Variants in MYL6B observed in about 807,000 individuals in gnomAD.
The protein encoded by MYL6B is myosin light chain 6B, also known as myosin alkali light chain 1 slow a.
In MYL6B, 19 loss-of-function variants were observed where a neutral mutation model predicts 24.5. The ratio of observed to expected loss-of-function variants is 0.78; its 90% CI spans 0.54 to 1.14. The LOEUF (loss-of-function observed/expected upper bound fraction) is 1.14, where lower values mean the gene tolerates loss of function less well. Among genes scored for constraint, MYL6B ranks in the 50% most tolerant of loss-of-function variants. The pLI, the probability that MYL6B is intolerant of heterozygous loss-of-function variation, is 0.00. For missense variants in MYL6B, 230 were observed against 263.8 expected (o/e 0.87, Z 0.89); for synonymous variants, 90 against 100.7 (o/e 0.89, Z 0.64).
At chr12:56,157,843 C>A in exon 7 of MYL6B, 2 of 1,274,470 alleles carry the variant, frequency 1.6e-6, no homozygotes, top group Non-Finnish European at 2.2e-6. Flanking sequence ...GGTTGCTGCA[C>A]GGGCTCCAGC....
In MYL6B at chr12:56,157,541, C is replaced by G. The variant is rs1207004555; in HGVS notation, c.594C>G (p.Tyr198Ter). ...AGGACAGCAACGGCTGCATCAACTACGAGGGTGAGGGGACAAAAAAGCGGG... is the reference window on the plus strand; with the variant it reads ...AGGACAGCAACGGCTGCATCAACTAGGAGGGTGAGGGGACAAAAAAGCGGG... Residue 198 changes from tyrosine (Y) to a stop codon, truncating the protein, a stop_gained, in exon 6 of 7, where the codon TAC becomes TAG. Transcript: ENST00000553066. LOFTEE classifies it high-confidence loss of function. 1.2e-6 allele frequency: 2 copies of G among 1,605,076 alleles called. No homozygotes were observed. The highest frequency in any genetic ancestry group is 4.5e-5 in the East Asian group (2 of 44,368).
At chr12:56,155,489 C>T in exon 5 of MYL6B, 1 of 1,614,016 alleles carries the variant, frequency 6.2e-7, no homozygotes, top group African/African-American at 1.3e-5. Flanking sequence ...AGAACCGAGG[C>T]CAAGGCACAT....
At chr12:56,157,568 G>A (rs1260174500) in intron 6 of MYL6B, 23 bp downstream of exon 6, 1 of 1,613,720 alleles carries the variant, frequency 6.2e-7, no homozygotes, top group Non-Finnish European at 8.5e-7. Context: ...AAAAGCGGGA[G>A]CGGGGCCGAG....
intron 1 of MYL6B, chr12:56,153,444 G>T: frequency 1.0e-6 from 1 of 985,982 alleles, no homozygotes; most frequent in African/African-American, 1.7e-5. Flanking sequence ...TGGGCTTCTT[G>T]TTTTTGTCAT....
chr12:56,154,224 T>C, intron 2 of MYL6B, 132 bp downstream of exon 2: 1 of 924,050 alleles, frequency 1.1e-6, no homozygotes, highest in Non-Finnish European at 1.6e-6. Flanking sequence ...TTTCCCTTAG[T>C]CCCCCATTTG....
chr12:56,153,653 C>T (rs1871193975), intron 1 of MYL6B: 2 of 352,298 alleles, frequency 5.7e-6, no homozygotes, highest in Non-Finnish European at 9.5e-6. Flanking sequence ...TGGCTTCCTC[C>T]CCTACCCCTA....
intron 1 of MYL6B, among the ~76,000 whole-genome samples, chr12:56,153,212 GC>G (rs1445338824): frequency 6.6e-6 from 1 of 152,010 alleles, no homozygotes; most frequent in East Asian, 1.9e-4. Flanking sequence ...CCTGATCTTT[GC>G]CCCCACTCCT....
exon 2 of MYL6B, chr12:56,153,884 C>G: frequency 6.4e-7 from 1 of 1,559,612 alleles, no homozygotes; most frequent in African/African-American, 1.4e-5. Flanking sequence ...GATGGGTGCC[C>G]CCATCCGCAC....
chr12:56,153,222 C>T (rs1051143331), intron 1 of MYL6B, among the ~76,000 whole-genome samples: 2 of 152,152 alleles, frequency 1.3e-5, no homozygotes, highest in Non-Finnish European at 2.9e-5. Context: ...GCCCCCACTC[C>T]TGCCCCTAAA....
chr12:56,157,290 A>G, intron 5 of MYL6B, 178 bp from the exon 6 acceptor site: 1 of 591,554 alleles, frequency 1.7e-6, no homozygotes, highest in African/African-American at 1.9e-5. Context: ...AGGGTGAGGC[A>G]GGAGAATCGC....
chr12:56,153,505 C>G, intron 1 of MYL6B: 1 of 986,272 alleles, frequency 1.0e-6, no homozygotes, highest in Non-Finnish European at 1.2e-6. Context: ...GCCTCCCTGG[C>G]TGCTACCCCT....
intron 5 of MYL6B, chr12:56,157,117 A>T (rs1227211576): frequency 1.1e-5 from 2 of 188,086 alleles, no homozygotes; most frequent in Non-Finnish European, 1.1e-5. Context: ...GGAAAAAGCC[A>T]GGCGCGGTGG....
At chr12:56,156,122 A>G (rs1272743811) in intron 5 of MYL6B, 9 of 629,208 alleles carry the variant, frequency 1.4e-5, no homozygotes, top group East Asian at 1.3e-4. Context: ...CCTGGCCAAC[A>G]TGGTAAAACC....
intron 1 of MYL6B, among the ~76,000 whole-genome samples, chr12:56,152,932 C>T (rs916931814): frequency 2.0e-5 from 3 of 152,030 alleles, no homozygotes; most frequent in Admixed American, 1.3e-4. Flanking sequence ...GGACTCTCTC[C>T]CAGCGCCCCT....
In MYL6B at chr12:56,155,892, T is replaced by A; in HGVS notation, c.520+300T>A. The A allele has an allele frequency of 2.4e-6, 3 of 1,268,466 alleles. No individual in the cohort carries two copies. The South Asian group carries it at 4.6e-5, about 19-fold the overall frequency. The allele number at this position is 1,268,466 out of a possible 1,614,324, so 78.6% of individuals were successfully genotyped here. A position where few individuals can be genotyped will look rare whatever the true frequency, so the allele number is the denominator to read the frequency against. ...AGTCTCGTAACCTCCTGGGATTGTTTCCTTGTGGGTCAATACTTTCAGCAG... is the reference window on the plus strand; with the variant it reads ...AGTCTCGTAACCTCCTGGGATTGTTACCTTGTGGGTCAATACTTTCAGCAG... On this transcript the variant is annotated intron_variant, in intron 5 of 6. Transcript: ENST00000553066.
chr12:56,153,437 GCTT>G (rs1435718902), intron 1 of MYL6B: 1 of 985,846 alleles, frequency 1.0e-6, no homozygotes, highest in East Asian at 1.1e-4. Flanking sequence ...GGGCAGATGG[GCTT>G]CTTGTTTTTG....
At chr12:56,157,542 G>A (rs776699189) in exon 6 of MYL6B, 8 of 1,602,528 alleles carry the variant, frequency 5.0e-6, no homozygotes, top group Non-Finnish European at 1.7e-6. Flanking sequence ...CATCAACTAC[G>A]AGGGTGAGGG....
At chr12:56,155,780 C>T in intron 5 of MYL6B, 188 bp downstream of exon 5, 1 of 1,515,370 alleles carries the variant, frequency 6.6e-7, no homozygotes, top group Admixed American at 2.1e-5. Flanking sequence ...GGCTAAAGTG[C>T]CATCCGGAGG....
intron 2 of MYL6B, 93 bp from the exon 3 acceptor site, chr12:56,154,720 C>A: frequency 6.9e-7 from 1 of 1,455,142 alleles, no homozygotes; most frequent in South Asian, 1.3e-5. Context: ...CTTTGGGCCC[C>A]TCCTCAGAAG....
Sources: gnomAD v4.1 joint callset for allele counts (sites outside exome capture counted in the v4.1 genomes callset) on GRCh38, gnomAD v4.1.1 for gene constraint, MANE v1.5 for transcripts, NCBI Gene and HGNC (gene_info 2026-07-23, HGNC 2026-07-21) for gene names.